CDKN1B: variants seen among roughly 807,000 people sequenced by gnomAD.
CDKN1B encodes the protein cyclin dependent kinase inhibitor 1B.
Under a neutral mutation model 17.1 loss-of-function variants are expected in CDKN1B, and 7 were observed. That is an observed-to-expected ratio of 0.41 (90% confidence interval 0.23 to 0.77). The LOEUF (loss-of-function observed/expected upper bound fraction) is 0.77. Among genes scored for constraint, CDKN1B ranks in the 30% least tolerant of loss-of-function variants. The pLI is 0.33. For missense variants in CDKN1B, 337 were observed against 262.0 expected, an observed-to-expected ratio of 1.29 and a Z score of -1.98; for synonymous variants, 149 against 104.3, an observed-to-expected ratio of 1.43 and a Z score of -2.61.
In CDKN1B at chr12:12,718,938, C is replaced by A. The variant is rs375717769; in HGVS notation, c.589C>A (p.Gln197Lys). 1.4e-5 allele frequency: 22 copies of A among 1,613,904 alleles called. No homozygotes were observed. Among genetic ancestry groups the A allele is most frequent in the Non-Finnish European group, 1.9e-5 (22 of 1,180,036 alleles). The change falls in exon 2 of 3, where the codon CAA becomes AAA. Residue 197 changes from glutamine to lysine, a missense_variant. Physicochemically the swap from Gln to Lys is moderately conservative, Grantham distance 53. Transcript: ENST00000228872. ...CAAGAAGCCTGGCCTCAGAAGACGT[C>A]AAACGTAAACAGCTCGGTGGGTTGA... ...TPKKPGLRRR[Q>K]T is the part of the protein sequence containing the mutation.
rs1455488274 is a variant in CDKN1B, at chr12:12,717,992, C to T, written c.153C>T (p.Asp51=). The T allele has an allele frequency of 1.2e-6, 2 of 1,614,094 alleles. No individual in the cohort carries two copies. The highest frequency in any genetic ancestry group is 2.7e-5 in the African/African-American group (2 of 74,942). The part of the protein sequence containing the change: ...LTRDLEKHCR[D]MEEASQRKWN... The stretch of plus-strand genomic sequence containing the variant: ...GGGACTTGGAGAAGCACTGCAGAGA[C>T]ATGGAAGAGGCGAGCCAGCGCAAGT... Residue 51 remains aspartate (D), a synonymous_variant, in exon 1 of 3, where the codon GAC becomes GAT. Coordinates refer to ENST00000228872, the MANE Select transcript of CDKN1B (RefSeq NM_004064.5).
In CDKN1B at chr12:12,717,745, C is replaced by T; in HGVS notation, c.-95C>T. On this transcript the variant is annotated 5_prime_UTR_variant, in exon 1 of 3. Transcript: ENST00000228872. ...GCTCCGAGGGCAGTCGCTGGGCTTC[C>T]GAGAGGGGTTCGGGCTGCGTAGGGG... is the stretch of plus-strand genomic sequence containing the variant. 6.3e-7 allele frequency: 1 copy of T among 1,592,630 alleles called. No homozygotes were observed. The highest frequency in any genetic ancestry group is 1.1e-5 in the South Asian group (1 of 90,142).
chr12:12,717,618 C>G lies in CDKN1B; in HGVS notation c.-222C>G. ...CCTCTCCGCCCTCCCGCTCGCCAGT[C>G]CATTTGATCAGCGGAGACTCGGCGG... On this transcript the variant is annotated 5_prime_UTR_variant, in exon 1 of 3. Coordinates refer to ENST00000228872, the MANE Select transcript of CDKN1B (RefSeq NM_004064.5). The G allele has an allele frequency of 6.9e-7, 1 of 1,450,128 alleles. No individual in the cohort carries two copies. The highest frequency in any genetic ancestry group is 9.0e-7 in the Non-Finnish European group (1 of 1,109,834). 89.8% of individuals were successfully genotyped at this position (1,450,128 alleles called of 1,614,324 possible).
chr12:12,718,040 C>T lies in CDKN1B; in HGVS notation c.201C>T (p.His67=), dbSNP rs771682338. The T allele has an allele frequency of 3.0e-5, 49 of 1,614,128 alleles. No homozygotes were observed. Among genetic ancestry groups the T allele is most frequent in the Admixed American group, 1.3e-4 (8 of 60,008 alleles). The change falls in exon 1 of 3, where the codon CAC becomes CAT. Residue 67 remains histidine (H), a synonymous_variant. Transcript: ENST00000228872. The part of the protein sequence containing the change: ...QRKWNFDFQN[H]KPLEGKYEWQ... ...AGTGGAATTTCGATTTTCAGAATCACAAACCCCTAGAGGGCAAGTACGAGT... is the reference window on the plus strand; with the variant it reads ...AGTGGAATTTCGATTTTCAGAATCATAAACCCCTAGAGGGCAAGTACGAGT...
rs1447602468 is a variant in CDKN1B at position 12,717,632 on chromosome 12, G to A, written c.-208G>A. On this transcript the variant is annotated 5_prime_UTR_variant, in exon 1 of 3. Coordinates refer to ENST00000228872, the MANE Select transcript of CDKN1B (RefSeq NM_004064.5). ...CGCTCGCCAGTCCATTTGATCAGCG[G>A]AGACTCGGCGGCCGGGCCGGGGCTT... is the stretch of plus-strand genomic sequence containing the variant. The A allele has an allele frequency of 6.8e-7, 1 of 1,463,718 alleles. No individual in the cohort carries two copies. Among genetic ancestry groups the A allele is most frequent in the African/African-American group, 1.4e-5 (1 of 70,324 alleles). 90.7% of individuals were successfully genotyped at this position (1,463,718 alleles called of 1,614,324 possible).
intron 2 of CDKN1B, 69 bp from the exon 3 acceptor site, chr12:12,720,967 C>G: frequency 1.7e-6 from 1 of 576,290 alleles, no homozygotes; most frequent in Non-Finnish European, 3.1e-6. Context: ...CAAAATAATT[C>G]CTGTACTCTA....
At position 12,718,003 on chromosome 12, in the gene CDKN1B, C is replaced by T. The variant is rs765171184; in HGVS notation, c.164C>T (p.Ala55Val). The T allele has an allele frequency of 6.8e-6, 11 of 1,613,984 alleles. No individual in the cohort carries two copies. In the Middle Eastern group the frequency reaches 4.9e-4, roughly 72 times the overall value. The change falls in exon 1 of 3, where the codon GCG becomes GTG. Residue 55 changes from alanine (A) to valine (V), a missense_variant. By Grantham distance (64) the Ala-to-Val change is moderately conservative. Coordinates refer to ENST00000228872, the MANE Select transcript of CDKN1B (RefSeq NM_004064.5). Reference sequence around the variant, plus strand: ...AAGCACTGCAGAGACATGGAAGAGGCGAGCCAGCGCAAGTGGAATTTCGAT... The same window carrying T: ...AAGCACTGCAGAGACATGGAAGAGGTGAGCCAGCGCAAGTGGAATTTCGAT... ...LEKHCRDMEE[A>V]SQRKWNFDFQ...
Position 12,717,496 on chromosome 12 carries a change from A to C in CDKN1B, c.-344A>C. The C allele has an allele frequency of 3.0e-6, 4 of 1,334,072 alleles. No individual in the cohort carries two copies. Among genetic ancestry groups the C allele is most frequent in the East Asian group, 3.1e-5 (1 of 32,644 alleles). The allele number at this position is 1,334,072 out of a possible 1,614,324, so 82.6% of individuals were successfully genotyped here. ...CGGCTCTGCGACTCCGACGCCGGCAAGGTTTGGAGAGCGGCTGGGTTCGCG... is the reference window on the plus strand; with the variant it reads ...CGGCTCTGCGACTCCGACGCCGGCACGGTTTGGAGAGCGGCTGGGTTCGCG... On this transcript the variant is annotated 5_prime_UTR_variant, in exon 1 of 3. Coordinates refer to ENST00000228872, the MANE Select transcript of CDKN1B (RefSeq NM_004064.5).
chr12:12,719,053 G>GTT lies in CDKN1B; in HGVS notation c.*8+102_*8+103dup, dbSNP rs374131888. ...TGCTGGCAAATTAAAAGCTTATGGGGTTTTGTTTTGTTTATACTTCGTGAG... is the reference window on the plus strand; with the variant it reads ...TGCTGGCAAATTAAAAGCTTATGGGGTTTTTTGTTTTGTTTATACTTCGTGAG... On this transcript the variant is annotated intron_variant, in intron 2 of 2. Transcript: ENST00000228872. 1,155 of 1,468,476 alleles carry GTT rather than the reference G, an allele frequency of 7.9e-4. 11 individuals are homozygous for GTT. In the African/African-American group the frequency reaches 0.014, roughly 18 times the overall value. 91.0% of individuals were successfully genotyped at this position (1,468,476 alleles called of 1,614,324 possible).
chr12:12,718,816 T>C lies in CDKN1B; in HGVS notation c.476-9T>C. The C allele has an allele frequency of 6.2e-7, 1 of 1,614,086 alleles. No individual in the cohort carries two copies. The highest frequency in any genetic ancestry group is 2.2e-5 in the East Asian group (1 of 44,888). On this transcript the variant is annotated splice_polypyrimidine_tract_variant and intron_variant, in intron 1 of 2. Coordinates refer to ENST00000228872, the MANE Select transcript of CDKN1B (RefSeq NM_004064.5). Reference sequence around the variant, plus strand: ...GTGTGTTCTTTTTAAAAATTTCCCCTGCGCTTAGATTCTTCTACTCAAAAC... The same window carrying C: ...GTGTGTTCTTTTTAAAAATTTCCCCCGCGCTTAGATTCTTCTACTCAAAAC...
At chr12:12,718,438 C>A in intron 1 of CDKN1B, 124 bp downstream of exon 1, 1 of 887,766 alleles carries the variant, frequency 1.1e-6, no homozygotes. Context: ...CTTTATTGGT[C>A]TTAGGTGTTC....
chr12:12,721,275 A>T lies in CDKN1B; in HGVS notation c.*248A>T. 2.1e-6 allele frequency: 1 copy of T among 472,552 alleles called. No homozygotes were observed. The highest frequency in any genetic ancestry group is 4.0e-6 in the Non-Finnish European group (1 of 249,646). 29.3% of individuals were successfully genotyped at this position (472,552 alleles called of 1,614,324 possible). On this transcript the variant is annotated 3_prime_UTR_variant, in exon 3 of 3. Coordinates refer to ENST00000228872, the MANE Select transcript of CDKN1B (RefSeq NM_004064.5). ...TTTTCCTTATTTGCTTCATTGTACT[A>T]CCTGTGTATATAGTTTTTACCTTTT...
Position 12,717,880 on chromosome 12 carries a change from A to T in CDKN1B, c.41A>T (p.Glu14Val). The T allele has an allele frequency of 6.2e-7, 1 of 1,613,858 alleles. No individual in the cohort carries two copies. The highest frequency in any genetic ancestry group is 8.5e-7 in the Non-Finnish European group (1 of 1,180,014). The change falls in exon 1 of 3, where the codon GAG (glutamate) becomes GTG (valine). Residue 14 changes from glutamate to valine, a missense_variant. Transcript: ENST00000228872. ...VRVSNGSPSL[E>V]RMDARQAEHP... ...GTGTCTAACGGGAGCCCTAGCCTGG[A>T]GCGGATGGACGCCAGGCAGGCGGAG...
At position 12,721,208 on chromosome 12, in the gene CDKN1B, T is replaced by C. The variant is rs4251696; in HGVS notation, c.*181T>C. 3.6e-3 allele frequency: 2,746 copies of C among 761,236 alleles called. 51 individuals carry two copies. In the African/African-American group the frequency reaches 0.039, roughly 11 times the overall value. The allele number at this position is 761,236 out of a possible 1,614,324, so 47.2% of individuals were successfully genotyped here. Reference sequence around the variant, plus strand: ...TAAAATTTTAGGCACTCTTAAATGATCTGCCTCTAAAAGCGTTGGATGTAG... The same window carrying C: ...TAAAATTTTAGGCACTCTTAAATGACCTGCCTCTAAAAGCGTTGGATGTAG... On this transcript the variant is annotated 3_prime_UTR_variant, in exon 3 of 3. Transcript: ENST00000228872.
chr12:12,718,719 G>A, intron 1 of CDKN1B, 106 bp from the exon 2 acceptor site: 2 of 1,257,004 alleles, frequency 1.6e-6, no homozygotes, highest in Non-Finnish European at 2.3e-6. Context: ...ATTGTGGGTG[G>A]AGGTAGTGGG....
rs1946544273 is a variant in CDKN1B at position 12,721,996 on chromosome 12, T to C, written c.*969T>C. 2 of 152,244 alleles carry C rather than the reference T, an allele frequency of 1.3e-5. No individual in the cohort carries two copies. Among genetic ancestry groups the C allele is most frequent in the African/African-American group, 4.8e-5 (2 of 41,468 alleles). The allele number at this position is 152,244 out of a possible 1,614,324, so 9.4% of individuals were successfully genotyped here. The stretch of plus-strand genomic sequence containing the variant: ...AGTGTTATTTTTCAAGGAAGGTTCA[T>C]GTAGAGAAAAGCACACTTGTAGGAT... On this transcript the variant is annotated 3_prime_UTR_variant, in exon 3 of 3. Transcript: ENST00000228872.
chr12:12,719,360 A>G (rs1237041370), intron 2 of CDKN1B: 1 of 210,972 alleles, frequency 4.7e-6, no homozygotes, highest in Admixed American at 5.2e-5. Context: ...TGAGCCATAC[A>G]TGGAAAAATG....
rs3093728 is a variant in CDKN1B, at chr12:12,717,574, C to G, written c.-266C>G. The G allele has an allele frequency of 4.7e-3, 6,670 of 1,419,380 alleles. 24 individuals carry two copies. Among genetic ancestry groups the G allele is most frequent in the South Asian group, 5.3e-3 (349 of 66,360 alleles). The allele number at this position is 1,419,380 out of a possible 1,614,324, so 87.9% of individuals were successfully genotyped here. A position where few individuals can be genotyped will look rare whatever the true frequency, so the allele number is the denominator to read the frequency against. On this transcript the variant is annotated 5_prime_UTR_variant, in exon 1 of 3. Coordinates refer to ENST00000228872, the MANE Select transcript of CDKN1B (RefSeq NM_004064.5). Reference sequence around the variant, plus strand: ...CTCGGACGGGCTTTGCCACCCTCTCCGCTTGCCTGGTCCCCTCTCCTCTCC... The same window carrying G: ...CTCGGACGGGCTTTGCCACCCTCTCGGCTTGCCTGGTCCCCTCTCCTCTCC...
Position 12,721,107 on chromosome 12 carries a change from T to A in CDKN1B, c.*80T>A, listed in dbSNP as rs2136358926. The A allele has an allele frequency of 1.3e-6, 1 of 773,404 alleles. No individual in the cohort carries two copies. The highest frequency in any genetic ancestry group is 2.4e-6 in the Non-Finnish European group (1 of 415,008). 47.9% of individuals were successfully genotyped at this position (773,404 alleles called of 1,614,324 possible). On this transcript the variant is annotated 3_prime_UTR_variant, in exon 3 of 3. Coordinates refer to ENST00000228872, the MANE Select transcript of CDKN1B (RefSeq NM_004064.5). ...GAAGCAAGGAAGATATACATGAAAA[T>A]TTTAAAAATACATATCGCTGACTTC... is the stretch of plus-strand genomic sequence containing the variant.
Sources: gnomAD v4.1 joint callset for allele counts on GRCh38, gnomAD v4.1.1 for gene constraint, MANE v1.5 for transcripts, NCBI Gene and HGNC (gene_info 2026-07-23, HGNC 2026-07-21) for gene names.